Variants in CNTNAP5 observed in about 807,000 individuals in gnomAD.
CNTNAP5 encodes the protein contactin associated protein family member 5, also known as contactin-associated protein-like 5.
Under a neutral mutation model 150.2 loss-of-function variants are expected in CNTNAP5, and 72 were observed. The ratio of observed to expected loss-of-function variants is 0.48; its 90% CI spans 0.40 to 0.58. The LOEUF is 0.58. Ranked by LOEUF, CNTNAP5 falls within the 20% of genes least tolerant of loss-of-function variation. The probability of loss-of-function intolerance (pLI) is 0.00; values close to 1 mark genes in which losing one functional copy is unlikely to be tolerated. For missense variants in CNTNAP5, 1,636 were observed against 1,626.2 expected, an observed-to-expected ratio of 1.01 and a Z score of -0.10; for synonymous variants, 672 against 619.8, an observed-to-expected ratio of 1.08 and a Z score of -1.25.
At chr2:124,264,335 T>C (rs1416532689) in intron 3 of CNTNAP5, among the ~76,000 whole-genome samples, 1 of 150,308 alleles carries the variant, frequency 6.7e-6, no homozygotes, top group African/African-American at 2.5e-5. Context: ...GAGTAAACAA[T>C]GCAGTACCCA....
intron 21 of CNTNAP5, among the ~76,000 whole-genome samples, chr2:124,887,121 C>G (rs1330438249): frequency 6.6e-6 from 1 of 151,944 alleles, no homozygotes; most frequent in African/African-American, 2.4e-5. Flanking sequence ...GACAGAAATT[C>G]CTAATTTATA....
intron 1 of CNTNAP5, among the ~76,000 whole-genome samples, chr2:124,187,204 C>T (rs1400486141): frequency 6.6e-6 from 1 of 152,194 alleles, no homozygotes; most frequent in Non-Finnish European, 1.5e-5. Context: ...ATATGCATTA[C>T]TAGTCACTTC....
At chr2:124,529,441 A>G (rs1695055734) in intron 10 of CNTNAP5, among the ~76,000 whole-genome samples, 2 of 152,244 alleles carry the variant, frequency 1.3e-5, no homozygotes, top group African/African-American at 2.4e-5. Context: ...TAATTGTATA[A>G]TAAGGGATTG....
chr2:124,177,984 T>G (rs1421167427), intron 1 of CNTNAP5, among the ~76,000 whole-genome samples: 1 of 151,958 alleles, frequency 6.6e-6, no homozygotes, highest in African/African-American at 2.4e-5. Flanking sequence ...GTAGCTGGGA[T>G]TACAGGCACC....
intron 3 of CNTNAP5, among the ~76,000 whole-genome samples, chr2:124,276,784 T>C (rs1255592537): frequency 6.6e-6 from 1 of 152,122 alleles, no homozygotes; most frequent in Admixed American, 6.6e-5. Flanking sequence ...GACAAATGAG[T>C]GTGCACCCAG....
intron 13 of CNTNAP5, among the ~76,000 whole-genome samples, chr2:124,683,150 G>T (rs573190409): frequency 3.9e-5 from 6 of 152,304 alleles, no homozygotes; most frequent in African/African-American, 1.4e-4. Flanking sequence ...GGAGTACACA[G>T]AGTGTGGCTG....
At chr2:124,800,665 C>T (rs1681948580) in intron 19 of CNTNAP5, among the ~76,000 whole-genome samples, 1 of 152,182 alleles carries the variant, frequency 6.6e-6, no homozygotes, top group South Asian at 2.1e-4. Context: ...TTGAATTCTA[C>T]CCTGCCCCTA....
chr2:124,872,172 CT>C (rs1677762282), intron 21 of CNTNAP5, among the ~76,000 whole-genome samples: 1 of 151,884 alleles, frequency 6.6e-6, no homozygotes. Context: ...ATATTTTGTT[CT>C]TTTTGAAGCA....
chr2:124,772,156 C>A (rs1212729105), intron 16 of CNTNAP5, among the ~76,000 whole-genome samples: 12 of 152,134 alleles, frequency 7.9e-5, no homozygotes, highest in Non-Finnish European at 7.4e-5. Context: ...ATTTCACCAT[C>A]ATCAGTATGC....
intron 10 of CNTNAP5, among the ~76,000 whole-genome samples, chr2:124,536,951 G>A (rs1190780765): frequency 6.6e-6 from 1 of 152,080 alleles, no homozygotes; most frequent in East Asian, 1.9e-4. Flanking sequence ...TAAAACTTGA[G>A]AGACCAGACA....
intron 19 of CNTNAP5, among the ~76,000 whole-genome samples, chr2:124,857,887 C>T (rs77236869): frequency 1.1e-4 from 16 of 151,876 alleles, no homozygotes; most frequent in African/African-American, 2.2e-4. Context: ...ACACTCTAGG[C>T]GAGACAGTGT....
Position 124,609,868 on chromosome 2 carries a change from C to T in CNTNAP5, c.1824C>T (p.Asp608=), listed in dbSNP as rs1185344276. The T allele has an allele frequency of 3.7e-6, 6 of 1,613,866 alleles. No individual in the cohort carries two copies. The highest frequency in any genetic ancestry group is 2.2e-5 in the East Asian group (1 of 44,892). Residue 608 remains aspartate, a synonymous_variant, in exon 12 of 24, where the codon GAC becomes GAT. Transcript: ENST00000682447. The part of the protein sequence containing the change: ...QGNTAGFFYI[D]SDGSGPLGPL... ...ATACAGCCGGCTTCTTCTACATCGACTCAGATGGCAGCGGCCCACTGGGAC... is the reference window on the plus strand; with the variant it reads ...ATACAGCCGGCTTCTTCTACATCGATTCAGATGGCAGCGGCCCACTGGGAC...
intron 1 of CNTNAP5, among the ~76,000 whole-genome samples, chr2:124,090,555 T>C (rs1429024989): frequency 6.6e-6 from 1 of 152,196 alleles, no homozygotes; most frequent in Non-Finnish European, 1.5e-5. Flanking sequence ...TTCCTTCTTT[T>C]ATGTTACTTA....
intron 7 of CNTNAP5, among the ~76,000 whole-genome samples, chr2:124,493,242 A>G (rs183524175): frequency 3.0e-4 from 45 of 152,050 alleles, no homozygotes; most frequent in Non-Finnish European, 5.1e-4. Flanking sequence ...TAAGATTTTT[A>G]TCCTTAATTC....
chr2:124,279,423 T>C (rs1199219961), intron 3 of CNTNAP5, among the ~76,000 whole-genome samples: 1 of 152,052 alleles, frequency 6.6e-6, no homozygotes, highest in Non-Finnish European at 1.5e-5. Context: ...GAATTCTGTG[T>C]AGTATGAGCT....
intron 1 of CNTNAP5, among the ~76,000 whole-genome samples, chr2:124,220,966 G>A (rs989125773): frequency 3.0e-4 from 46 of 152,168 alleles, no homozygotes; most frequent in African/African-American, 1.1e-3. Context: ...CAACCCGGAG[G>A]GGTATATCTA....
chr2:124,632,368 C>T (rs1379869124), intron 12 of CNTNAP5, among the ~76,000 whole-genome samples: 1 of 152,100 alleles, frequency 6.6e-6, no homozygotes, highest in Admixed American at 6.5e-5. Flanking sequence ...GAATACTATG[C>T]AGCAATAAAA....
intron 1 of CNTNAP5, among the ~76,000 whole-genome samples, chr2:124,182,915 C>T (rs1685243598): frequency 6.6e-6 from 1 of 152,260 alleles, no homozygotes; most frequent in Non-Finnish European, 1.5e-5. Flanking sequence ...ATCTTTCATG[C>T]TTACAGTTTG....
chr2:124,086,709 T>G (rs1682701591), intron 1 of CNTNAP5, among the ~76,000 whole-genome samples: 1 of 151,696 alleles, frequency 6.6e-6, no homozygotes. Flanking sequence ...TTGTCATATT[T>G]ATAGTAAGTT....
Sources: allele counts gnomAD v4.1 joint callset (sites outside exome capture counted in the v4.1 genomes callset), GRCh38; gene constraint gnomAD v4.1.1; transcripts MANE v1.5; gene names NCBI Gene and HGNC (gene_info 2026-07-23, HGNC 2026-07-21).